NT5DC1: variants seen among roughly 807,000 people sequenced by gnomAD.
NT5DC1 encodes 5'-nucleotidase domain-containing protein 1.
Under a neutral mutation model 59.4 loss-of-function variants are expected in NT5DC1, and 42 were observed. That is an observed-to-expected ratio of 0.71 (90% CI 0.55 to 0.92). The LOEUF (loss-of-function observed/expected upper bound fraction) is 0.92, where lower values mean the gene tolerates loss of function less well. Among genes scored for constraint, NT5DC1 ranks in the 40% least tolerant of loss-of-function variants. The pLI is 0.00. For synonymous variants in NT5DC1, 172 were observed against 188.1 expected (o/e 0.91, Z 0.70); for missense variants, 501 against 537.1 (o/e 0.93, Z 0.66).
At chr6:116,126,876 T>C (rs895469938) in intron 6 of NT5DC1, among the ~76,000 whole-genome samples, 4 of 152,296 alleles carry the variant, frequency 2.6e-5, no homozygotes, top group Admixed American at 2.6e-4. Flanking sequence ...TGGCTTAACT[T>C]GCAGTTAGGA....
At chr6:116,116,168 GA>G (rs903543063) in intron 5 of NT5DC1, among the ~76,000 whole-genome samples, 17 of 152,056 alleles carry the variant, frequency 1.1e-4, no homozygotes, top group African/African-American at 3.6e-4. Flanking sequence ...AAAATCGGAT[GA>G]AATTTAAAAA....
At chr6:116,243,005 C>T (rs898891453) in intron 11 of NT5DC1, among the ~76,000 whole-genome samples, 2 of 152,200 alleles carry the variant, frequency 1.3e-5, no homozygotes, top group Non-Finnish European at 2.9e-5. Flanking sequence ...GTTCCTCCTT[C>T]CCAAGAATTG....
chr6:116,101,319 G>A (rs926060080), intron 1 of NT5DC1, among the ~76,000 whole-genome samples: 1 of 152,176 alleles, frequency 6.6e-6, no homozygotes, highest in African/African-American at 2.4e-5. Context: ...GTGATTTCTA[G>A]GGCCGAGGAG....
chr6:116,123,796 T>G (rs945055679), intron 6 of NT5DC1, among the ~76,000 whole-genome samples: 2 of 152,208 alleles, frequency 1.3e-5, no homozygotes, highest in African/African-American at 2.4e-5. Context: ...GTTAAGATAT[T>G]TTCATTTGTT....
chr6:116,236,254 T>A (rs992897823), intron 8 of NT5DC1, among the ~76,000 whole-genome samples: 7 of 152,254 alleles, frequency 4.6e-5, no homozygotes, highest in African/African-American at 1.7e-4. Flanking sequence ...TCATAAAACC[T>A]TACTCAATCT....
chr6:116,120,286 A>C (rs1335180384), intron 6 of NT5DC1: 1 of 1,614,138 alleles, frequency 6.2e-7, no homozygotes, highest in African/African-American at 1.3e-5. Context: ...GGCCTACCCA[A>C]ACATGAGTCC....
chr6:116,229,421 C>T (rs535141750), intron 8 of NT5DC1, among the ~76,000 whole-genome samples: 1 of 152,314 alleles, frequency 6.6e-6, no homozygotes, highest in East Asian at 1.9e-4. Context: ...ACAGCATGGC[C>T]TTAGCGAGTC....
intron 6 of NT5DC1, among the ~76,000 whole-genome samples, chr6:116,163,141 AATAT>A (rs1554197063): frequency 2.0e-4 from 18 of 88,378 alleles, no homozygotes; most frequent in Middle Eastern, 0.014. Context: ...AAAAAAAAAA[AATAT>A]ATATATATAT....
intron 6 of NT5DC1, among the ~76,000 whole-genome samples, chr6:116,171,697 A>G (rs1051917508): frequency 1.6e-4 from 25 of 152,182 alleles, no homozygotes; most frequent in Admixed American, 1.5e-3. Flanking sequence ...CTACTTTTGA[A>G]TTTAAAGATT....
At chr6:116,222,809 T>G (rs1192970330) in intron 7 of NT5DC1, among the ~76,000 whole-genome samples, 1 of 152,196 alleles carries the variant, frequency 6.6e-6, no homozygotes, top group African/African-American at 2.4e-5. Flanking sequence ...TTTTCCTGAT[T>G]ATGTTTATAC....
chr6:116,136,715 T>A (rs991873153), intron 6 of NT5DC1, among the ~76,000 whole-genome samples: 1 of 152,198 alleles, frequency 6.6e-6, no homozygotes, highest in Admixed American at 6.5e-5. Context: ...TATGCTGTTA[T>A]CATGAGTTTG....
At chr6:116,233,489 G>C (rs1782056066) in intron 8 of NT5DC1, among the ~76,000 whole-genome samples, 1 of 152,146 alleles carries the variant, frequency 6.6e-6, no homozygotes, top group African/African-American at 2.4e-5. Flanking sequence ...GTGTCCTCAG[G>C]GATGCCAGAT....
chr6:116,199,286 T>C (rs1465623039), intron 6 of NT5DC1, among the ~76,000 whole-genome samples: 1 of 152,092 alleles, frequency 6.6e-6, no homozygotes, highest in African/African-American at 2.4e-5. Context: ...CTTTTTCCTT[T>C]TCTTATAGGT....
chr6:116,241,922 C>CAAAAAAAAAAAAAAAAAAA (rs772261524), intron 11 of NT5DC1, among the ~76,000 whole-genome samples: 1 of 10,546 alleles, frequency 9.5e-5, no homozygotes, highest in Admixed American at 9.2e-4. Context: ...GACTCCGTCT[C>CAAAAAAAAAAAAAAAAAAA]AAAAAAAAAA....
At chr6:116,157,974 T>C (rs902106458) in intron 6 of NT5DC1, among the ~76,000 whole-genome samples, 8 of 152,190 alleles carry the variant, frequency 5.3e-5, no homozygotes, top group Admixed American at 6.5e-5. Flanking sequence ...TCCAATTAAA[T>C]CTTTCAGTAC....
Position 116,223,070 on chromosome 6 carries a change from A to C in NT5DC1, c.741A>C (p.Thr247=). Residue 247 remains threonine, a synonymous_variant, in exon 8 of 12, where the codon ACA becomes ACC. Transcript: ENST00000319550. ...CAGACCTTTTTGACATTGTGATTAC[A>C]AATGCATTGAAGCCTGGTTTCTTCT... ...DFTDLFDIVI[T]NALKPGFFSH... The C allele has an allele frequency of 6.2e-7, 1 of 1,606,466 alleles. No homozygotes were observed. Among genetic ancestry groups the C allele is most frequent in the Non-Finnish European group, 8.5e-7 (1 of 1,173,428 alleles).
intron 6 of NT5DC1, among the ~76,000 whole-genome samples, chr6:116,159,831 A>G (rs1050966774): frequency 2.6e-5 from 4 of 151,878 alleles, no homozygotes; most frequent in African/African-American, 4.8e-5. Flanking sequence ...CTTTATGTCC[A>G]TGTGTACTTC....
chr6:116,121,706 G>C, intron 6 of NT5DC1: 2 of 1,614,014 alleles, frequency 1.2e-6, no homozygotes, highest in Non-Finnish European at 1.7e-6. Context: ...TGGGCCCCGG[G>C]GTCCTGGTAG....
chr6:116,201,978 G>A (rs147279469), intron 6 of NT5DC1, among the ~76,000 whole-genome samples: 103 of 152,142 alleles, frequency 6.8e-4, no homozygotes, highest in African/African-American at 2.5e-3. Flanking sequence ...ACCTGGAGGA[G>A]TGCTGACCAA....
Sources: allele counts gnomAD v4.1 joint callset (sites outside exome capture counted in the v4.1 genomes callset), GRCh38; gene constraint gnomAD v4.1.1; transcripts MANE v1.5; gene names NCBI Gene and HGNC (gene_info 2026-07-23, HGNC 2026-07-21).